NBEAL1: variants seen among roughly 807,000 people sequenced by gnomAD.
NBEAL1 encodes the protein neurobeachin like 1, also known as neurobeachin-like protein 1.
NBEAL1 carries 273 observed loss-of-function variants against 351.3 expected under a neutral mutation model. That is an observed-to-expected ratio of 0.78 (90% CI 0.70 to 0.86). NBEAL1 has a LOEUF of 0.86. Among genes scored for constraint, NBEAL1 ranks in the 40% least tolerant of loss-of-function variants. NBEAL1 has a pLI of 0.00. For missense variants in NBEAL1, 2,961 were observed against 3,201.3 expected, an observed-to-expected ratio of 0.92 and a Z score of 1.81; for synonymous variants, 1,050 against 1,086.4, an observed-to-expected ratio of 0.97 and a Z score of 0.66.
intron 41 of NBEAL1, among the ~76,000 whole-genome samples, chr2:203,173,678 A>G (rs544725400): frequency 6.6e-6 from 1 of 152,162 alleles, no homozygotes; most frequent in South Asian, 2.1e-4. Context: ...TTTTTCTGAT[A>G]ATAACCAAAA....
At chr2:203,030,015 A>T (rs1289021601) in intron 2 of NBEAL1, among the ~76,000 whole-genome samples, 2 of 152,226 alleles carry the variant, frequency 1.3e-5, no homozygotes, top group Non-Finnish European at 2.9e-5. Flanking sequence ...GTCATCAGGT[A>T]TAGCTTAGTG....
At chr2:203,076,085 A>G (rs1049176913) in intron 7 of NBEAL1, among the ~76,000 whole-genome samples, 1 of 152,196 alleles carries the variant, frequency 6.6e-6, no homozygotes, top group Admixed American at 6.5e-5. Flanking sequence ...AAAGCATAGC[A>G]GTTTATCAGT....
At chr2:203,096,068 TTTG>T (rs1167234063) in intron 10 of NBEAL1, among the ~76,000 whole-genome samples, 1 of 152,228 alleles carries the variant, frequency 6.6e-6, no homozygotes, top group African/African-American at 2.4e-5. Flanking sequence ...ACACCTTTCA[TTTG>T]TTAAGTCTCT....
chr2:203,084,668 T>C (rs1574947189), intron 10 of NBEAL1, 99 bp downstream of exon 10: 1 of 569,734 alleles, frequency 1.8e-6, no homozygotes, highest in East Asian at 3.4e-5. Flanking sequence ...TTTTTATACT[T>C]AATCTCTGTT....
chr2:203,158,815 GTTTTTTTTTTTT>G (rs71034220), intron 36 of NBEAL1, among the ~76,000 whole-genome samples: 1 of 84,372 alleles, frequency 1.2e-5, no homozygotes, highest in African/African-American at 4.7e-5. Context: ...TTTCTGTAGG[GTTTTTTTTTTTT>G]TTTTTTTTTT....
At position 203,083,330 on chromosome 2, in the gene NBEAL1, G is replaced by C. The variant is rs1002795401; in HGVS notation, c.796G>C (p.Glu266Gln). 18 of 1,553,822 alleles carry C rather than the reference G, an allele frequency of 1.2e-5. No homozygotes were observed. The highest frequency in any genetic ancestry group is 2.0e-5 in the Admixed American group (1 of 51,012). ...TCCTGAAGAAGTGGGTAGGAAGGCA[G>C]AACTAACTCTGAAGTGCCTTACAGA... ...GDPEEVGRKA[E>Q]LTLKCLTEVV... The change falls in exon 9 of 56, where the codon GAA becomes CAA. Residue 266 changes from glutamate to glutamine, a missense_variant. Glu to Gln is a conservative substitution (Grantham distance 29, BLOSUM62 2). Coordinates refer to ENST00000683969, the MANE Select transcript of NBEAL1 (RefSeq NM_001378026.1).
At chr2:203,072,153 G>A (rs2061694301) in intron 7 of NBEAL1, among the ~76,000 whole-genome samples, 1 of 152,218 alleles carries the variant, frequency 6.6e-6, no homozygotes, top group Non-Finnish European at 1.5e-5. Flanking sequence ...TGCTTTCAGA[G>A]TTTTTCTTAT....
intron 18 of NBEAL1, among the ~76,000 whole-genome samples, chr2:203,120,920 A>C (rs2062815469): frequency 6.6e-6 from 1 of 152,180 alleles, no homozygotes; most frequent in Non-Finnish European, 1.5e-5. Context: ...AATTTTTCTC[A>C]ATTGTTTAAG....
intron 36 of NBEAL1, among the ~76,000 whole-genome samples, chr2:203,163,079 C>A (rs1166536734): frequency 6.6e-6 from 1 of 152,210 alleles, no homozygotes; most frequent in East Asian, 1.9e-4. Context: ...ATCTCTTGAA[C>A]CTGGGAGAAA....
intron 3 of NBEAL1, among the ~76,000 whole-genome samples, chr2:203,043,435 G>T (rs188114923): frequency 2.6e-5 from 4 of 152,142 alleles, no homozygotes; most frequent in African/African-American, 9.6e-5. Context: ...GCCACAAAAG[G>T]AGTGCCAGTT....
At chr2:203,180,618 A>G in intron 43 of NBEAL1, 106 bp downstream of exon 43, 2 of 1,056,514 alleles carry the variant, frequency 1.9e-6, no homozygotes, top group Non-Finnish European at 2.6e-6. Flanking sequence ...TTTAAGATTC[A>G]TTCTGTCTGT....
rs766736691 is a variant in NBEAL1 at position 203,108,099 on chromosome 2, C to T, written c.1860C>T (p.Ala620=). ...VPPIQKWPGS[A]FSFSAWFCLD... is the part of the protein sequence containing the mutation. Reference sequence around the variant, plus strand: ...CCATACAGAAATGGCCAGGGTCTGCCTTTTCTTTCAGTGCTTGGTTTTGCT... The same window carrying T: ...CCATACAGAAATGGCCAGGGTCTGCTTTTTCTTTCAGTGCTTGGTTTTGCT... Residue 620 remains alanine (A), a synonymous_variant, in exon 14 of 56, where the codon GCC becomes GCT. Transcript: ENST00000683969. The T allele has an allele frequency of 7.7e-6, 12 of 1,552,000 alleles. No individual in the cohort carries two copies. The highest frequency in any genetic ancestry group is 2.0e-5 in the Admixed American group (1 of 50,984).
rs539924874 is a variant in NBEAL1, at chr2:203,130,613, A to G, written c.3564+137A>G. The stretch of plus-strand genomic sequence containing the variant: ...AGATGTTCAACTTATTTTTATATAT[A>G]GTTTTCATGTTTCAGTTGTTTGCAT... On this transcript the variant is annotated intron_variant, in intron 25 of 55. Coordinates refer to ENST00000683969, the MANE Select transcript of NBEAL1 (RefSeq NM_001378026.1). 3.1e-5 allele frequency: 17 copies of G among 541,560 alleles called. 1 individual carries two copies. The South Asian group carries it at 1.3e-3, about 41-fold the overall frequency. 33.5% of individuals were successfully genotyped at this position (541,560 alleles called of 1,614,324 possible). A position where few individuals can be genotyped will look rare whatever the true frequency, so the allele number is the denominator to read the frequency against.
chr2:203,017,649 T>C (rs186214215), intron 2 of NBEAL1, among the ~76,000 whole-genome samples: 77 of 152,248 alleles, frequency 5.1e-4, no homozygotes, highest in East Asian at 2.3e-3. Context: ...TATTTAAAAA[T>C]ACATCAAACT....
Position 203,076,386 on chromosome 2 carries a change from G to A in NBEAL1, c.599-1366G>A, listed in dbSNP as rs566290646. 2.0e-4 allele frequency among the ~76,000 whole-genome samples: 31 copies of A among 151,536 alleles called. 1 individual carries two copies. Among genetic ancestry groups the A allele is most frequent in the Non-Finnish European group, 2.7e-4 (18 of 67,900 alleles). ...TGTAGTCCCAGCTACCTGGGAGGCC[G>A]AGGTGGGAGAATCACGTGAGCCCAG... On this transcript the variant is annotated intron_variant, in intron 7 of 55. Coordinates refer to ENST00000683969, the MANE Select transcript of NBEAL1 (RefSeq NM_001378026.1).
intron 24 of NBEAL1, among the ~76,000 whole-genome samples, chr2:203,128,598 TTTC>T (rs1158288615): frequency 6.9e-5 from 3 of 43,454 alleles, no homozygotes; most frequent in Non-Finnish European, 1.9e-4. Context: ...GGTAGATTTC[TTTC>T]TTTTTTTTTT....
At chr2:203,174,996 T>C (rs908932391) in intron 41 of NBEAL1, 151 bp from the exon 42 acceptor site, 1 of 622,022 alleles carries the variant, frequency 1.6e-6, no homozygotes, top group Non-Finnish European at 2.6e-6. Flanking sequence ...TCTAGTATGG[T>C]ATAATGATAT....
rs562208319 is a variant in NBEAL1, at chr2:203,197,388, A to G, written c.7125A>G (p.Leu2375=). The part of the protein sequence containing the change: ...RSFMSQGSPE[L]LITISMNYVI... The stretch of plus-strand genomic sequence containing the variant: ...TTATGTCTCAAGGCAGCCCTGAGTT[A>G]CTGGTAAGTTGATTTTTACCTTTTT... The change falls in exon 48 of 56, where the codon TTA becomes TTG. Residue 2375 remains leucine (L), a synonymous_variant. Coordinates refer to ENST00000683969, the MANE Select transcript of NBEAL1 (RefSeq NM_001378026.1). 25 of 1,588,380 alleles carry G rather than the reference A, an allele frequency of 1.6e-5. No individual in the cohort carries two copies. In the Admixed American group the frequency reaches 3.5e-4, roughly 22 times the overall value.
chr2:203,213,782 A>T (rs890195216), intron 55 of NBEAL1, 129 bp downstream of exon 55: 58 of 1,521,162 alleles, frequency 3.8e-5, no homozygotes, highest in Non-Finnish European at 5.0e-5. Context: ...ATTTTTCAAA[A>T]GGCAGTAAAT....
Sources: gnomAD v4.1 joint callset for allele counts (sites outside exome capture counted in the v4.1 genomes callset) on GRCh38, gnomAD v4.1.1 for gene constraint, MANE v1.5 for transcripts, NCBI Gene and HGNC (gene_info 2026-07-23, HGNC 2026-07-21) for gene names.